Variants in NCOR1 observed in about 807,000 individuals in gnomAD.
The protein encoded by NCOR1 is protein phosphatase 1, regulatory subunit 109.
NCOR1 carries 63 observed loss-of-function variants against 288.1 expected under a neutral mutation model. That is an observed-to-expected ratio of 0.22 (90% confidence interval 0.18 to 0.27). NCOR1 has a LOEUF of 0.27. Among genes scored for constraint, NCOR1 ranks in the 10% least tolerant of loss-of-function variants. The pLI is 1.00. For synonymous variants in NCOR1, 1,007 were observed against 1,065.9 expected, an observed-to-expected ratio of 0.94 and a Z score of 1.08; for missense variants, 2,397 against 3,019.2, an observed-to-expected ratio of 0.79 and a Z score of 4.83.
intron 40 of NCOR1, among the ~76,000 whole-genome samples, chr17:16,055,022 T>A (rs55847732): frequency 0.014 from 2,134 of 152,082 alleles, 57 homozygotes; most frequent in African/African-American, 0.05. Flanking sequence ...AGTGAAAAAA[T>A]AACAGATCCT....
rs756507316 is a variant in NCOR1 at position 16,070,454 on chromosome 17, C to A, written c.4224G>T (p.Thr1408=). ...AIKHNVKSLI[T]GPSKLSRGMP... is the part of the protein sequence containing the mutation. The stretch of plus-strand genomic sequence containing the variant: ...TTCCACGGGATAGTTTGCTAGGCCC[C>A]GTGATTAAGGATTTGACATTGTGTT... Residue 1408 remains threonine (T), a synonymous_variant, in exon 31 of 46, where the codon ACG becomes ACT. Transcript: ENST00000268712. The A allele has an allele frequency of 9.9e-5, 159 of 1,614,128 alleles. 1 individual carries two copies. Among genetic ancestry groups the A allele is most frequent in the South Asian group, 8.1e-4 (74 of 91,068 alleles).
intron 10 of NCOR1, 40 bp downstream of exon 10, chr17:16,146,336 G>A: frequency 2.0e-6 from 3 of 1,519,138 alleles, no homozygotes; most frequent in Non-Finnish European, 2.6e-6. Flanking sequence ...ATAAATATTT[G>A]AAGAAAAATA....
chr17:16,136,992 T>C (rs953763335), intron 14 of NCOR1, among the ~76,000 whole-genome samples: 23 of 152,124 alleles, frequency 1.5e-4, no homozygotes, highest in African/African-American at 5.6e-4. Context: ...CTAAAGATAG[T>C]GTATTAAAAG....
At chr17:16,068,179 T>C (rs2061346128) in intron 31 of NCOR1, 58 bp from the exon 32 acceptor site, 1 of 1,354,908 alleles carries the variant, frequency 7.4e-7, no homozygotes, top group Non-Finnish European at 1.0e-6. Flanking sequence ...ATGATAATAT[T>C]TGTCCATTTC....
rs774152470 is a variant in NCOR1 at position 16,101,536 on chromosome 17, C to T, written c.2404G>A (p.Glu802Lys). The T allele has an allele frequency of 1.9e-6, 3 of 1,614,168 alleles. No individual in the cohort carries two copies. Among genetic ancestry groups the T allele is most frequent in the Non-Finnish European group, 1.7e-6 (2 of 1,180,008 alleles). Residue 802 changes from glutamate (E) to lysine (K), a missense_variant, in exon 20 of 46, where the codon GAG (glutamate) becomes AAG (lysine). By Grantham distance (56) the Glu-to-Lys change is moderately conservative. This residue lies in a region of NCOR1 where 1,872 missense variants were observed against 2,187.8 expected (regional missense o/e 0.86). Transcript: ENST00000268712. ...ACAGAACCCTCTTCAGCACTGTGCT[C>T]CTGCTGATCTACATCCATCTGCTCT... is the stretch of plus-strand genomic sequence containing the variant. ...TAEQMDVDQQ[E>K]HSAEEGSVCD...
In NCOR1 at chr17:16,031,972, G is replaced by A; in HGVS notation, c.*324C>T. 3.1e-6 allele frequency: 1 copy of A among 325,482 alleles called. No homozygotes were observed. The highest frequency in any genetic ancestry group is 5.6e-6 in the Non-Finnish European group (1 of 178,752). The allele number at this position is 325,482 out of a possible 1,614,324, so 20.2% of individuals were successfully genotyped here. A position where few individuals can be genotyped will look rare whatever the true frequency, so the allele number is the denominator to read the frequency against. ...ACTGCAAAAAGGTCATCTATTTACA[G>A]AAGAGTGATTTAAAGACATTATGGT... On this transcript the variant is annotated 3_prime_UTR_variant, in exon 46 of 46. Transcript: ENST00000268712.
intron 3 of NCOR1, among the ~76,000 whole-genome samples, chr17:16,185,584 G>T (rs983605283): frequency 1.7e-4 from 25 of 148,230 alleles, no homozygotes; most frequent in Non-Finnish European, 3.6e-4. Context: ...TTAGGAGGCT[G>T]AGGCATGAGA....
intron 2 of NCOR1, among the ~76,000 whole-genome samples, chr17:16,193,337 T>A (rs1190108815): frequency 6.6e-6 from 1 of 152,050 alleles, no homozygotes; most frequent in African/African-American, 2.4e-5. Flanking sequence ...TTCAAGCGAT[T>A]CTCCAGCCTC....
At chr17:16,108,444 A>G (rs1025690258) in intron 19 of NCOR1, among the ~76,000 whole-genome samples, 14 of 152,194 alleles carry the variant, frequency 9.2e-5, no homozygotes, top group African/African-American at 3.4e-4. Context: ...ATATGAAAAT[A>G]AATCAAACTT....
intron 41 of NCOR1, 51 bp from the exon 42 acceptor site, chr17:16,047,144 G>T: frequency 6.6e-7 from 1 of 1,524,504 alleles, no homozygotes; most frequent in Non-Finnish European, 8.8e-7. Context: ...CTAATCCTGG[G>T]GACATTCCTA....
At chr17:16,039,356 T>C (rs780895771) in intron 44 of NCOR1, 77 bp downstream of exon 44, 117 of 1,318,014 alleles carry the variant, frequency 8.9e-5, no homozygotes, top group Non-Finnish European at 1.2e-4. Flanking sequence ...AATGTCTTAG[T>C]GATGCATCAG....
intron 31 of NCOR1, 45 bp downstream of exon 31, chr17:16,070,120 T>TTA: frequency 2.0e-6 from 3 of 1,484,834 alleles, no homozygotes; most frequent in Admixed American, 4.7e-5. Flanking sequence ...TTTTTTTTTT[T>TTA]AAATGCAATA....
At chr17:16,089,406 C>T (rs1415468756) in intron 22 of NCOR1, among the ~76,000 whole-genome samples, 4 of 151,904 alleles carry the variant, frequency 2.6e-5, no homozygotes, top group East Asian at 1.9e-4. Flanking sequence ...GAGGTCAACT[C>T]GTATAAATGT....
intron 14 of NCOR1, among the ~76,000 whole-genome samples, chr17:16,131,909 T>G (rs1449437547): frequency 6.6e-6 from 1 of 152,222 alleles, no homozygotes; most frequent in Non-Finnish European, 1.5e-5. Flanking sequence ...TAAGTATCAC[T>G]GACCCCACTC....
intron 20 of NCOR1, among the ~76,000 whole-genome samples, chr17:16,099,018 G>C (rs1471795620): frequency 6.6e-6 from 1 of 152,140 alleles, no homozygotes; most frequent in East Asian, 1.9e-4. Flanking sequence ...ATTTGAATAA[G>C]CTGCTGTGAT....
At chr17:16,051,654 G>A (rs1013437805) in intron 40 of NCOR1, among the ~76,000 whole-genome samples, 1 of 152,152 alleles carries the variant, frequency 6.6e-6, no homozygotes, top group Non-Finnish European at 1.5e-5. Context: ...GCTCACACCT[G>A]TAATCCCAGC....
At chr17:16,035,302 G>A (rs1381528691) in intron 44 of NCOR1, among the ~76,000 whole-genome samples, 2 of 152,134 alleles carry the variant, frequency 1.3e-5, no homozygotes, top group Admixed American at 6.5e-5. Context: ...CAAAATTGGA[G>A]TTGATCCCTC....
chr17:16,214,691 G>C (rs2092405649), intron 1 of NCOR1, among the ~76,000 whole-genome samples: 1 of 152,134 alleles, frequency 6.6e-6, no homozygotes, highest in African/African-American at 2.4e-5. Flanking sequence ...TTAATTTGAA[G>C]AATTCAGTCT....
chr17:16,034,480 C>T (rs972110072), intron 45 of NCOR1, among the ~76,000 whole-genome samples: 7 of 151,990 alleles, frequency 4.6e-5, no homozygotes, highest in East Asian at 3.9e-4. Flanking sequence ...TGGTCGTGCA[C>T]GCCTGTAGTC....
Sources: gnomAD v4.1 joint callset for allele counts (sites outside exome capture counted in the v4.1 genomes callset) on GRCh38, gnomAD v4.1.1 for gene constraint, gnomAD v4.1.1 regional missense constraint, MANE v1.5 for transcripts, NCBI Gene and HGNC (gene_info 2026-07-23, HGNC 2026-07-21) for gene names.